The following TMEM63A variants were observed in gnomAD, a reference collection of about 807,000 sequenced individuals.
TMEM63A encodes the protein mechanosensitive cation channel TMEM63A.
TMEM63A carries 76 observed loss-of-function variants against 100.6 expected under a neutral mutation model. The ratio of observed to expected loss-of-function variants is 0.76; its 90% CI spans 0.63 to 0.91. The LOEUF is 0.91. TMEM63A is among the 40% of genes least tolerant of loss of function. The pLI is 0.00. For synonymous variants in TMEM63A, 401 were observed against 401.1 expected (o/e 1.00, Z 0.00); for missense variants, 876 against 1,008.8 (o/e 0.87, Z 1.78).
At position 225,856,728 on chromosome 1, in the gene TMEM63A, T is replaced by A. The variant is rs1238990869; in HGVS notation, c.1495A>T (p.Asn499Tyr). The A allele has an allele frequency of 4.3e-6, 7 of 1,610,562 alleles. No homozygotes were observed. Among genetic ancestry groups the A allele is most frequent in the Non-Finnish European group, 5.9e-6 (7 of 1,177,182 alleles). ...LESHWTKSGE[N>Y]QIMMTKVYIF... is the part of the protein sequence containing the mutation. ...TAGACTTTGGTCATCATGATCTGGT[T>A]TTCCCCCGACCTGCAGGAAGTCAAA... is the stretch of plus-strand genomic sequence containing the variant. Residue 499 changes from asparagine to tyrosine, a missense_variant, in exon 17 of 25, where the codon AAC (asparagine) becomes TAC (tyrosine). Transcript: ENST00000366835.
rs1402018067 is a variant in TMEM63A at position 225,865,870 on chromosome 1, A to C, written c.746+27T>G. The C allele has an allele frequency of 6.2e-7, 1 of 1,610,518 alleles. No individual in the cohort carries two copies. The highest frequency in any genetic ancestry group is 1.7e-5 in the Admixed American group (1 of 59,954). On this transcript the variant is annotated intron_variant, in intron 10 of 24. Transcript: ENST00000366835. This position sits in a 1 kb window ranked among gnomAD's most constrained non-coding sequence, Gnocchi z 4.6. ...TGTTGGTCCTACGTGGAGGGGGCTC[A>C]GCTCCCCTCCCACCCCACCTGCTTA...
chr1:225,844,214 G>A (rs1668698428), downstream of TMEM63A, among the ~76,000 whole-genome samples: 1 of 152,136 alleles, frequency 6.6e-6, no homozygotes, highest in South Asian at 2.1e-4. Flanking sequence ...TTGAGGGGAG[G>A]GAGGAGAGGT....
chr1:225,866,238 G>A (rs921526874), intron 9 of TMEM63A: 18 of 528,384 alleles, frequency 3.4e-5, no homozygotes, highest in South Asian at 1.7e-4. Context: ...ACTCAAATGC[G>A]GTCACACAGC....
intron 18 of TMEM63A, among the ~76,000 whole-genome samples, chr1:225,854,130 G>A (rs1241697769): frequency 3.6e-5 from 4 of 112,292 alleles, no homozygotes; most frequent in East Asian, 2.1e-4. Flanking sequence ...CCTTTCTAAC[G>A]AGGTGATATT....
chr1:225,842,596 TCTTACAAATCCTCACC>T (rs1452647357), downstream of TMEM63A: 1 of 807,222 alleles, frequency 1.2e-6, no homozygotes, highest in Non-Finnish European at 2.2e-6. Flanking sequence ...TTGTTGGCTT[TCTTACAAATCCTCACC>T]CTGTGACCAA....
At chr1:225,870,368 T>C (rs1211966951) in intron 6 of TMEM63A, among the ~76,000 whole-genome samples, 1 of 135,186 alleles carries the variant, frequency 7.4e-6, no homozygotes, top group African/African-American at 2.7e-5. Flanking sequence ...AAAAAAAACA[T>C]GCATCTTACA....
At chr1:225,848,455 A>AT in intron 23 of TMEM63A, 37 bp downstream of exon 23, 3 of 1,609,714 alleles carry the variant, frequency 1.9e-6, no homozygotes, top group Non-Finnish European at 2.5e-6. Context: ...AGCAAAAAAA[A>AT]GGGCGACAAG....
downstream of TMEM63A, chr1:225,844,359 G>A (rs1668724783): frequency 7.5e-7 from 1 of 1,339,872 alleles, no homozygotes. Flanking sequence ...TGTGACACGA[G>A]GATACCACAC....
Position 225,862,094 on chromosome 1 carries a change from A to C in TMEM63A, c.1085+124T>G. The C allele has an allele frequency of 7.1e-7, 1 of 1,416,624 alleles. No homozygotes were observed. Among genetic ancestry groups the C allele is most frequent in the Non-Finnish European group, 9.5e-7 (1 of 1,050,348 alleles). The allele number at this position is 1,416,624 out of a possible 1,614,324, so 87.8% of individuals were successfully genotyped here. ...TGGGTAGCTGAGGGAGGAGAAGGAA[A>C]CACCACAGATAAATCCCAGGGATGG... On this transcript the variant is annotated intron_variant, in intron 13 of 24. Coordinates refer to ENST00000366835, the MANE Select transcript of TMEM63A (RefSeq NM_014698.3). This position sits in a 1 kb window ranked among gnomAD's most constrained non-coding sequence, Gnocchi z 5.1.
downstream of TMEM63A, among the ~76,000 whole-genome samples, chr1:225,841,573 C>T (rs904452484): frequency 1.2e-4 from 17 of 143,846 alleles, no homozygotes; most frequent in East Asian, 4.3e-4. Flanking sequence ...TGTGAGCCAC[C>T]GCACCCAGCC....
chr1:225,855,865 T>C lies in TMEM63A; in HGVS notation c.1634+13A>G, dbSNP rs760336049. 6.2e-7 allele frequency: 1 copy of C among 1,613,756 alleles called. No homozygotes were observed. Among genetic ancestry groups the C allele is most frequent in the Non-Finnish European group, 8.5e-7 (1 of 1,179,880 alleles). On this transcript the variant is annotated intron_variant, in intron 18 of 24. Transcript: ENST00000366835. ...AGGGCCATGGCTCCAGAACTCAACT[T>C]GGCAATACTCACTCCAACCTGATGG...
Position 225,871,082 on chromosome 1 carries a change from C to CGG in TMEM63A, c.363_364dup (p.Arg122ProfsTer63). ...TGCCCCCGGGTGTACTCACTGCAGA[C>CGG]GGAAGATGGCAGTCAGCCAGGGACA... On this transcript the variant is annotated frameshift_variant, in exon 6 of 25. Coordinates refer to ENST00000366835, the MANE Select transcript of TMEM63A (RefSeq NM_014698.3). LOFTEE classifies it high-confidence loss of function. 2 of 1,614,018 alleles carry CGG rather than the reference C, an allele frequency of 1.2e-6. No individual in the cohort carries two copies. Among genetic ancestry groups the CGG allele is most frequent in the South Asian group, 2.2e-5 (2 of 91,062 alleles).
intron 20 of TMEM63A, 127 bp downstream of exon 20, chr1:225,852,537 T>C: frequency 1.3e-6 from 1 of 794,176 alleles, no homozygotes; most frequent in Non-Finnish European, 2.1e-6. Flanking sequence ...CTTTAGCAGC[T>C]TGTGGCTCTT....
At chr1:225,856,362 C>T (rs12084714) in intron 17 of TMEM63A, among the ~76,000 whole-genome samples, 5,125 of 141,892 alleles carry the variant, frequency 0.036, 308 homozygotes, top group African/African-American at 0.13. Flanking sequence ...CAGAGTCTCA[C>T]GCCTGTAATC....
intron 3 of TMEM63A, 82 bp from the exon 4 acceptor site, chr1:225,874,449 AC>A: frequency 1.7e-6 from 2 of 1,194,984 alleles, no homozygotes; most frequent in Non-Finnish European, 2.4e-6. Context: ...GGTAAAGCCC[AC>A]CTGCCCGCAC....
intron 8 of TMEM63A, 122 bp downstream of exon 8, chr1:225,866,990 G>C: frequency 1.0e-6 from 1 of 988,638 alleles, no homozygotes; most frequent in Non-Finnish European, 1.6e-6. Flanking sequence ...CTCACTAGCT[G>C]CAAGGGGCCT....
In TMEM63A at chr1:225,868,015, C is replaced by T. The variant is rs1670301319; in HGVS notation, c.387G>A (p.Leu129=). Reference sequence around the variant, plus strand: ...GGATGGCGTCCTCCCCACACCATTCCAGGATCTGGTCATCACTGGCCAAGA... The same window carrying T: ...GGATGGCGTCCTCCCCACACCATTCTAGGATCTGGTCATCACTGGCCAAGA... ...AIFRLHDDQI[L]EWCGEDAIHY... Residue 129 remains leucine, a synonymous_variant, in exon 7 of 25, where the codon CTG becomes CTA. Coordinates refer to ENST00000366835, the MANE Select transcript of TMEM63A (RefSeq NM_014698.3). The T allele has an allele frequency of 6.2e-7, 1 of 1,614,174 alleles. No homozygotes were observed. Among genetic ancestry groups the T allele is most frequent in the East Asian group, 2.2e-5 (1 of 44,884 alleles).
intron 1 of TMEM63A, among the ~76,000 whole-genome samples, chr1:225,880,295 T>TA (rs1049259632): frequency 3.3e-5 from 5 of 152,058 alleles, no homozygotes; most frequent in African/African-American, 1.2e-4. Flanking sequence ...ATTAGACACA[T>TA]AAAGTCCAGA....
At chr1:225,864,938 T>C (rs6426090) in intron 10 of TMEM63A, 53,296 of 151,886 alleles carry the variant, frequency 0.35, 10,272 homozygotes, top group East Asian at 0.53. Flanking sequence ...CTGGGCAACA[T>C]AGCAAGACTC....
Sources: gnomAD v4.1 joint callset for allele counts (sites outside exome capture counted in the v4.1 genomes callset) on GRCh38, gnomAD v4.1.1 for gene constraint, Gnocchi (gnomAD v3.1) non-coding constraint, MANE v1.5 for transcripts, NCBI Gene and HGNC (gene_info 2026-07-23, HGNC 2026-07-21) for gene names.